Variants in NHEJ1 observed in about 807,000 individuals in gnomAD.
The protein encoded by NHEJ1 is non-homologous end-joining factor 1.
Under a neutral mutation model 39.4 loss-of-function variants are expected in NHEJ1, and 22 were observed. The observed-to-expected ratio is 0.56, with a 90% confidence interval of 0.40 to 0.80. NHEJ1 has a LOEUF of 0.80. Among genes scored for constraint, NHEJ1 ranks in the 30% least tolerant of loss-of-function variants. The probability of loss-of-function intolerance (pLI) is 0.00; values close to 1 mark genes in which losing one functional copy is unlikely to be tolerated. For missense variants in NHEJ1, 329 were observed against 357.1 expected, an observed-to-expected ratio of 0.92 and a Z score of 0.63; for synonymous variants, 154 against 135.6, an observed-to-expected ratio of 1.14 and a Z score of -0.94.
intron 1 of NHEJ1, among the ~76,000 whole-genome samples, chr2:219,159,528 T>TATATATATATGC (rs745852983): frequency 0.29 from 26,765 of 91,930 alleles, 5,980 homozygotes; most frequent in South Asian, 0.38. Context: ...TATATATGCA[T>TATATATATATGC]ATATATATGC....
At chr2:219,153,700 G>A (rs576689779) in intron 3 of NHEJ1, among the ~76,000 whole-genome samples, 2 of 126,414 alleles carry the variant, frequency 1.6e-5, no homozygotes, top group Admixed American at 7.8e-5. Context: ...AAAGGGGGGG[G>A]GGGTGGAGAG....
intron 5 of NHEJ1, among the ~76,000 whole-genome samples, chr2:219,123,622 G>A (rs1177145601): frequency 1.3e-5 from 2 of 152,210 alleles, no homozygotes; most frequent in Admixed American, 1.3e-4. Context: ...TGCAGTGGCT[G>A]GAATTAATGC....
At chr2:219,080,651 G>A (rs1416618426) in intron 5 of NHEJ1, among the ~76,000 whole-genome samples, 14 of 108,360 alleles carry the variant, frequency 1.3e-4, no homozygotes, top group African/African-American at 5.7e-4. Context: ...TTATATATAT[G>A]CTAATATATA....
rs1949792640 is a variant in NHEJ1 at position 219,151,240 on chromosome 2, T to C, written c.391-3445A>G. Among the ~76,000 whole-genome samples the C allele has an allele frequency of 5.3e-5, 8 of 151,804 alleles. No homozygotes were observed. The South Asian group carries it at 1.7e-3, about 32-fold the overall frequency. ...TATTTGATGAGTTGAATTGAAATAA[T>C]TGTCATTACTACCCAAGCAGCAACA... On this transcript the variant is annotated intron_variant, in intron 3 of 7. Transcript: ENST00000356853.
chr2:219,134,058 T>C (rs1172047985), intron 5 of NHEJ1, among the ~76,000 whole-genome samples: 2 of 152,056 alleles, frequency 1.3e-5, no homozygotes, highest in Admixed American at 6.5e-5. Flanking sequence ...GAAACTTCTC[T>C]GGTGAAGAGT....
chr2:219,108,885 T>C (rs555787247), intron 5 of NHEJ1, among the ~76,000 whole-genome samples: 47 of 152,316 alleles, frequency 3.1e-4, no homozygotes, highest in African/African-American at 1.0e-3. Flanking sequence ...CTCTGTTAGT[T>C]CTATACCTGT....
intron 5 of NHEJ1, among the ~76,000 whole-genome samples, chr2:219,110,952 C>T (rs1949360184): frequency 6.6e-6 from 1 of 152,000 alleles, no homozygotes; most frequent in African/African-American, 2.4e-5. Context: ...GGAACATGCT[C>T]GCAAGCAGAA....
chr2:219,122,210 A>G (rs1223587309), intron 5 of NHEJ1, among the ~76,000 whole-genome samples: 1 of 152,076 alleles, frequency 6.6e-6, no homozygotes, highest in East Asian at 1.9e-4. Context: ...AGTCACAAAA[A>G]TTTTACTTTA....
intron 1 of NHEJ1, among the ~76,000 whole-genome samples, chr2:219,159,526 C>CATATATATATGCAT (rs1381320439): frequency 4.8e-5 from 2 of 42,100 alleles, no homozygotes; most frequent in East Asian, 8.2e-4. Flanking sequence ...TATATATATG[C>CATATATATATGCAT]ATATATATAT....
At chr2:219,119,450 G>A (rs139339729) in intron 5 of NHEJ1, among the ~76,000 whole-genome samples, 1 of 152,212 alleles carries the variant, frequency 6.6e-6, no homozygotes, top group African/African-American at 2.4e-5. Context: ...AGAGATTCCA[G>A]TGATGGGGAG....
intron 5 of NHEJ1, 47 bp downstream of exon 5, chr2:219,146,633 A>G: frequency 6.8e-7 from 1 of 1,475,020 alleles, no homozygotes; most frequent in African/African-American, 1.4e-5. Context: ...GGCACCTGGA[A>G]AGAGGAAGTA....
intron 5 of NHEJ1, among the ~76,000 whole-genome samples, chr2:219,135,425 G>A (rs1444993402): frequency 6.6e-6 from 1 of 151,844 alleles, no homozygotes; most frequent in Non-Finnish European, 1.5e-5. Flanking sequence ...TGGCCAACAC[G>A]GTGAAACCTT....
chr2:219,086,867 G>T (rs1054055381), intron 5 of NHEJ1, among the ~76,000 whole-genome samples: 1 of 152,100 alleles, frequency 6.6e-6, no homozygotes, highest in African/African-American at 2.4e-5. Flanking sequence ...GTGACCCTCT[G>T]CTTGCTCTAT....
intron 1 of NHEJ1, among the ~76,000 whole-genome samples, chr2:219,159,516 TATATATATGCATATATATATGC>T (rs1183810494): frequency 2.1e-4 from 11 of 51,860 alleles, no homozygotes; most frequent in Non-Finnish European, 3.0e-4. Context: ...CATAACTTTA[TATATATATGCATATATATATGC>T]ATATATATAT....
At chr2:219,082,157 C>T (rs2106322833) in intron 5 of NHEJ1, among the ~76,000 whole-genome samples, 1 of 152,336 alleles carries the variant, frequency 6.6e-6, no homozygotes, top group South Asian at 2.1e-4. Flanking sequence ...TTCCTCATTA[C>T]TTACTCATAG....
intron 5 of NHEJ1, among the ~76,000 whole-genome samples, chr2:219,133,697 TA>T (rs1949599153): frequency 6.6e-6 from 1 of 152,228 alleles, no homozygotes; most frequent in South Asian, 2.1e-4. Context: ...ACTCTCTTTT[TA>T]AGTCAGGGAA....
At position 219,071,179 on chromosome 2, in the gene NHEJ1, C is replaced by T. The variant is rs1379998757; in HGVS notation, c.*5202G>A. Among the ~76,000 whole-genome samples the T allele has an allele frequency of 6.6e-6, 1 of 152,178 alleles. No homozygotes were observed. Among genetic ancestry groups the T allele is most frequent in the African/African-American group, 2.4e-5 (1 of 41,448 alleles). On this transcript the variant is annotated 3_prime_UTR_variant, in exon 8 of 8. Transcript: ENST00000356853. ...ACCAGCTCCAACCCCTTTCACCATC[C>T]CCTGCTCAGCCTTCAAGGCCTGAGG...
At position 219,077,955 on chromosome 2, in the gene NHEJ1, T is replaced by C. The variant is rs964794570; in HGVS notation, c.706+134A>G. 3 of 729,378 alleles carry C rather than the reference T, an allele frequency of 4.1e-6. No homozygotes were observed. The Admixed American group carries it at 6.6e-5, about 16-fold the overall frequency. The allele number at this position is 729,378 out of a possible 1,614,324, so 45.2% of individuals were successfully genotyped here. ...TGGCTACTGCAAAAGAGAAAATGCA[T>C]TTTTAGTTTTATTTCATTTTTATTA... is the stretch of plus-strand genomic sequence containing the variant. On this transcript the variant is annotated intron_variant, in intron 6 of 7. Transcript: ENST00000356853.
intron 5 of NHEJ1, among the ~76,000 whole-genome samples, chr2:219,136,081 A>C (rs1949625017): frequency 6.6e-6 from 1 of 152,216 alleles, no homozygotes; most frequent in African/African-American, 2.4e-5. Flanking sequence ...TGTTTATGTA[A>C]TATGACTGGC....
Sources: allele counts gnomAD v4.1 joint callset (sites outside exome capture counted in the v4.1 genomes callset), GRCh38; gene constraint gnomAD v4.1.1; transcripts MANE v1.5; gene names NCBI Gene and HGNC (gene_info 2026-07-23, HGNC 2026-07-21).